STAB2: variants seen among roughly 807,000 people sequenced by gnomAD.
STAB2 encodes stabilin 2, also known as stabilin-2.
In STAB2, 288 loss-of-function variants were observed where a neutral mutation model predicts 338.1. The observed-to-expected ratio is 0.85, with a 90% CI of 0.77 to 0.94. The LOEUF is 0.94. STAB2 is among the 40% of genes least tolerant of loss of function. The pLI is 0.00. For missense variants in STAB2, 3,141 were observed against 3,210.1 expected, an observed-to-expected ratio of 0.98 and a Z score of 0.52; for synonymous variants, 1,202 against 1,193.3, an observed-to-expected ratio of 1.01 and a Z score of -0.15.
chr12:103,703,919 A>G (rs1879119402), intron 35 of STAB2, among the ~76,000 whole-genome samples: 1 of 152,158 alleles, frequency 6.6e-6, no homozygotes, highest in African/African-American at 2.4e-5. Flanking sequence ...CATTTTACAG[A>G]TGGGAAAAGT....
chr12:103,681,613 C>CTTTTTTTTTTTTTT (rs907234037), intron 25 of STAB2, among the ~76,000 whole-genome samples: 1 of 92,952 alleles, frequency 1.1e-5, no homozygotes, highest in Non-Finnish European at 2.1e-5. Flanking sequence ...TTCCCCCCTA[C>CTTTTTTTTTTTTTT]TTTTTTTTTT....
At chr12:103,748,923 G>C (rs1423825821) in intron 58 of STAB2, 40 bp from the exon 59 acceptor site, 1 of 1,584,866 alleles carries the variant, frequency 6.3e-7, no homozygotes, top group Admixed American at 1.7e-5. Context: ...TAGTTCCACA[G>C]AAGGTGGTAA....
chr12:103,723,692 G>C (rs11111737), intron 44 of STAB2, among the ~76,000 whole-genome samples: 12,709 of 152,164 alleles, frequency 0.084, 1,184 homozygotes, highest in African/African-American at 0.23. Flanking sequence ...GTGGGGCCCA[G>C]GAGGGCTAGG....
chr12:103,762,476 G>T (rs904259856), intron 67 of STAB2, 74 bp downstream of exon 67: 2 of 1,605,496 alleles, frequency 1.2e-6, no homozygotes, highest in African/African-American at 1.3e-5. Flanking sequence ...GGCTGCTTCA[G>T]TCGGTGGCTG....
At chr12:103,593,731 T>G (rs1956834215) in intron 2 of STAB2, among the ~76,000 whole-genome samples, 2 of 152,240 alleles carry the variant, frequency 1.3e-5, no homozygotes, top group East Asian at 3.8e-4. Context: ...ACAACATTTA[T>G]GAAGGATTGT....
chr12:103,665,669 G>T (rs964955641), intron 18 of STAB2, among the ~76,000 whole-genome samples: 2 of 152,048 alleles, frequency 1.3e-5, no homozygotes, highest in African/African-American at 4.8e-5. Context: ...CTAGTGACTG[G>T]ACGTTGGCCA....
At chr12:103,703,359 C>T in intron 35 of STAB2, 83 bp downstream of exon 35, 1 of 1,518,540 alleles carries the variant, frequency 6.6e-7, no homozygotes, top group African/African-American at 1.4e-5. Flanking sequence ...TAAGGCTTTT[C>T]TATTAAGGTG....
chr12:103,698,319 C>T (rs1249950796), intron 33 of STAB2, among the ~76,000 whole-genome samples: 1 of 152,112 alleles, frequency 6.6e-6, no homozygotes, highest in East Asian at 1.9e-4. Flanking sequence ...TGTTTCTCTT[C>T]CCTTTCTGAT....
intron 65 of STAB2, 47 bp from the exon 66 acceptor site, chr12:103,761,253 G>A: frequency 6.4e-7 from 1 of 1,567,092 alleles, no homozygotes; most frequent in East Asian, 2.2e-5. Context: ...ATGGAGGGCT[G>A]CCCACTCGGA....
At chr12:103,650,945 C>G (rs1268121148) in intron 11 of STAB2, among the ~76,000 whole-genome samples, 2 of 152,192 alleles carry the variant, frequency 1.3e-5, no homozygotes, top group Non-Finnish European at 2.9e-5. Context: ...AAACTGCTCA[C>G]TTCCCACAGG....
intron 15 of STAB2, among the ~76,000 whole-genome samples, chr12:103,656,107 T>C (rs1460438572): frequency 2.0e-5 from 3 of 152,262 alleles, no homozygotes; most frequent in African/African-American, 7.2e-5. Flanking sequence ...AGGGCAATTA[T>C]TGACTTCTTC....
chr12:103,662,166 A>T (rs541526142), intron 17 of STAB2, among the ~76,000 whole-genome samples: 7 of 152,274 alleles, frequency 4.6e-5, no homozygotes, highest in African/African-American at 1.4e-4. Context: ...TGCAATTTTT[A>T]AAAAATTGCA....
chr12:103,654,826 A>AGAAGAGGTGGTTTGTC, intron 13 of STAB2, 128 bp downstream of exon 13: 4 of 1,200,314 alleles, frequency 3.3e-6, no homozygotes, highest in Non-Finnish European at 4.6e-6. Context: ...AGCAGAGAGA[A>AGAAGAGGTGGTTTGTC]GAAGAGGTGG....
chr12:103,619,449 A>T (rs77863373), intron 3 of STAB2, among the ~76,000 whole-genome samples: 2,066 of 152,274 alleles, frequency 0.014, 48 homozygotes, highest in African/African-American at 0.047. Flanking sequence ...GTCACTTGCC[A>T]TAATTTTTAA....
intron 7 of STAB2, 128 bp downstream of exon 7, chr12:103,637,364 C>T (rs1395432160): frequency 1.8e-5 from 23 of 1,278,912 alleles, no homozygotes; most frequent in Admixed American, 3.0e-5. Flanking sequence ...TTGAGTGAAA[C>T]GTATATAAAA....
intron 34 of STAB2, 151 bp from the exon 35 acceptor site, chr12:103,702,997 A>T: frequency 1.1e-6 from 1 of 922,554 alleles, no homozygotes; most frequent in Non-Finnish European, 1.5e-6. Flanking sequence ...CTCCTAAGTC[A>T]GAGCTCTTTC....
intron 58 of STAB2, among the ~76,000 whole-genome samples, chr12:103,747,344 T>C (rs1411740436): frequency 5.9e-5 from 9 of 152,156 alleles, no homozygotes; most frequent in Non-Finnish European, 4.4e-5. Flanking sequence ...TTTCCTATTG[T>C]CTCATATAAC....
At chr12:103,629,702 G>A (rs1004060284) in intron 5 of STAB2, among the ~76,000 whole-genome samples, 6 of 152,190 alleles carry the variant, frequency 3.9e-5, no homozygotes, top group African/African-American at 1.4e-4. Flanking sequence ...GGTCTTCCCT[G>A]GGCCAACCCC....
At chr12:103,739,631 A>G (rs552301542) in intron 54 of STAB2, among the ~76,000 whole-genome samples, 163 bp downstream of exon 54, 1 of 151,804 alleles carries the variant, frequency 6.6e-6, no homozygotes, top group African/African-American at 2.4e-5. Context: ...AACAAAGCCA[A>G]TGGGGTAAGA....
Sources: allele counts gnomAD v4.1 joint callset (sites outside exome capture counted in the v4.1 genomes callset), GRCh38; gene constraint gnomAD v4.1.1; transcripts MANE v1.5; gene names NCBI Gene and HGNC (gene_info 2026-07-23, HGNC 2026-07-21).